The following MYO18A variants were observed in gnomAD, a reference collection of about 807,000 sequenced individuals.
The protein encoded by MYO18A is unconventional myosin-XVIIIa.
MYO18A carries 78 observed loss-of-function variants against 235.8 expected under a neutral mutation model. That is an observed-to-expected ratio of 0.33 (90% CI 0.28 to 0.40). The LOEUF (loss-of-function observed/expected upper bound fraction) is 0.40. MYO18A is among the 10% of genes least tolerant of loss of function. The pLI is 1.00. For synonymous variants in MYO18A, 977 were observed against 1,077.8 expected (o/e 0.91, Z 1.83); for missense variants, 2,215 against 2,699.3 (o/e 0.82, Z 3.98).
rs555640818 is a variant in MYO18A, at chr17:29,109,175, A to T, written c.3331+683T>A. On this transcript the variant is annotated intron_variant, in intron 19 of 41. Transcript: ENST00000527372. This position sits in a 1 kb window ranked among gnomAD's most constrained non-coding sequence, Gnocchi z 4.1. ...AAAAAACAAAAAAAAAACAAAAAAA[A>T]CCCACCCTACTTGAGAGACATGAGA... Among the ~76,000 whole-genome samples the T allele has an allele frequency of 6.6e-6, 1 of 151,626 alleles. No homozygotes were observed. Among genetic ancestry groups the T allele is most frequent in the Non-Finnish European group, 1.5e-5 (1 of 67,920 alleles).
chr17:29,156,112 C>G (rs1278223899), intron 2 of MYO18A, among the ~76,000 whole-genome samples: 1 of 152,138 alleles, frequency 6.6e-6, no homozygotes, highest in African/African-American at 2.4e-5. Flanking sequence ...AGCTGGAATC[C>G]ATTGCTGTGA....
chr17:29,098,802 T>A, intron 23 of MYO18A, 24 bp downstream of exon 23: 1 of 1,613,544 alleles, frequency 6.2e-7, no homozygotes, highest in East Asian at 2.2e-5. Flanking sequence ...CCCAGAGACT[T>A]GGCCCTCTCA....
At chr17:29,097,727 G>C in intron 26 of MYO18A, 61 bp downstream of exon 26, 1 of 1,438,652 alleles carries the variant, frequency 7.0e-7, no homozygotes, top group Non-Finnish European at 9.6e-7. Context: ...TGACTACCCA[G>C]GGGTGGGCAT....
chr17:29,094,768 G>A lies in MYO18A; in HGVS notation c.4592C>T (p.Ser1531Phe), dbSNP rs771536957. Residue 1531 changes from serine to phenylalanine, a missense_variant, in exon 30 of 42, where the codon TCC (serine) becomes TTC (phenylalanine). Ser to Phe is a radical substitution (Grantham distance 155). Transcript: ENST00000527372. ...AELQDISSQE[S>F]KDEASLAKVK... Reference sequence around the variant, plus strand: ...CTTGGCCAGAGAAGCCTCATCCTTGGACTCTTGGGAAGAAATGTCCTGGAG... The same window carrying A: ...CTTGGCCAGAGAAGCCTCATCCTTGAACTCTTGGGAAGAAATGTCCTGGAG... The A allele has an allele frequency of 3.7e-6, 6 of 1,613,924 alleles. No individual in the cohort carries two copies. Among genetic ancestry groups the A allele is most frequent in the Admixed American group, 1.7e-5 (1 of 60,004 alleles).
chr17:29,159,808 G>A (rs1002871656), intron 2 of MYO18A, among the ~76,000 whole-genome samples: 1 of 152,150 alleles, frequency 6.6e-6, no homozygotes, highest in Middle Eastern at 3.2e-3. Flanking sequence ...CAGCAAAAGG[G>A]CTCTCCTGTC....
Position 29,107,150 on chromosome 17 carries a change from C to T in MYO18A, c.3371G>A (p.Arg1124His), listed in dbSNP as rs529497454. The change falls in exon 20 of 42, where the codon CGC (arginine) becomes CAC (histidine). Residue 1124 changes from arginine to histidine, a missense_variant. By Grantham distance (29) the Arg-to-His change is conservative. Coordinates refer to ENST00000527372, the MANE Select transcript of MYO18A (RefSeq NM_078471.4). ...CAGGTGCGGGGCCAGGACATCAAAGCGGCGGCGGAACTCGGAAAACACCAT... is the reference window on the plus strand; with the variant it reads ...CAGGTGCGGGGCCAGGACATCAAAGTGGCGGCGGAACTCGGAAAACACCAT... ...DHMVFSEFRR[R>H]FDVLAPHLTK... is the part of the protein sequence containing the mutation. The T allele has an allele frequency of 6.3e-5, 101 of 1,613,864 alleles. 1 individual carries two copies. Among genetic ancestry groups the T allele is most frequent in the Non-Finnish European group, 7.0e-5 (83 of 1,179,882 alleles).
At chr17:29,110,978 T>C (rs1439214264) in intron 17 of MYO18A, among the ~76,000 whole-genome samples, 1 of 152,156 alleles carries the variant, frequency 6.6e-6, no homozygotes, top group African/African-American at 2.4e-5. Flanking sequence ...ATATAATTTA[T>C]TTATTATGTT....
At chr17:29,176,995 C>G (rs952635118) in intron 1 of MYO18A, among the ~76,000 whole-genome samples, 2 of 152,212 alleles carry the variant, frequency 1.3e-5, no homozygotes, top group African/African-American at 4.8e-5. Flanking sequence ...CCTGCGGCCT[C>G]GCCAGGTTCC....
intron 41 of MYO18A, chr17:29,080,838 G>C: frequency 1.0e-6 from 1 of 985,460 alleles, no homozygotes; most frequent in Non-Finnish European, 1.2e-6. Context: ...CCTTCCTAGG[G>C]GGCCTCTCAG....
intron 2 of MYO18A, among the ~76,000 whole-genome samples, chr17:29,122,837 G>A (rs76405065): frequency 6.6e-6 from 1 of 152,220 alleles, no homozygotes; most frequent in Non-Finnish European, 1.5e-5. Context: ...CCCCTCCAGA[G>A]GGTGCTCTAC....
intron 18 of MYO18A, 70 bp downstream of exon 18, chr17:29,110,366 C>A: frequency 6.7e-7 from 1 of 1,487,298 alleles, no homozygotes; most frequent in Non-Finnish European, 9.0e-7. Flanking sequence ...TGCTCGGAGT[C>A]CCCAGGCCTG....
At chr17:29,095,885 G>A (rs1417418561) in intron 28 of MYO18A, among the ~76,000 whole-genome samples, 4 of 152,186 alleles carry the variant, frequency 2.6e-5, no homozygotes, top group East Asian at 1.9e-4. Context: ...CAATGTCATC[G>A]GGTGCTCAGA....
chr17:29,081,011 C>T, intron 41 of MYO18A: 1 of 985,372 alleles, frequency 1.0e-6, no homozygotes, highest in South Asian at 4.7e-5. Flanking sequence ...CTGTTGAGGG[C>T]CGTTCCGAGG....
chr17:29,123,434 C>T lies in MYO18A; in HGVS notation c.1000-1181G>A, dbSNP rs536881480. Among the ~76,000 whole-genome samples the T allele has an allele frequency of 1.8e-3, 279 of 152,308 alleles. 2 individuals are homozygous for T. The highest frequency in any genetic ancestry group is 6.4e-3 in the African/African-American group (265 of 41,568). The stretch of plus-strand genomic sequence containing the variant: ...GCATGGACACTGGCTGGGTCCTGAC[C>T]CCCTGGGTGAGAAATCAGGAAAAGA... On this transcript the variant is annotated intron_variant, in intron 2 of 41. Coordinates refer to ENST00000527372, the MANE Select transcript of MYO18A (RefSeq NM_078471.4).
At chr17:29,139,354 G>A (rs1365330928) in intron 2 of MYO18A, among the ~76,000 whole-genome samples, 1 of 152,104 alleles carries the variant, frequency 6.6e-6, no homozygotes, top group East Asian at 1.9e-4. Flanking sequence ...GTGGCCCGGG[G>A]GTGGCTGGGG....
rs200513856 is a variant in MYO18A at position 29,090,976 on chromosome 17, T to C, written c.5188-50A>G. Reference sequence around the variant, plus strand: ...GAGGGCCTCAGGCCCAGTGTGCCTGTGGGCTCCAGCTGCCTCCAATGGCAG... The same window carrying C: ...GAGGGCCTCAGGCCCAGTGTGCCTGCGGGCTCCAGCTGCCTCCAATGGCAG... On this transcript the variant is annotated intron_variant, in intron 34 of 41. Coordinates refer to ENST00000527372, the MANE Select transcript of MYO18A (RefSeq NM_078471.4). 2.2e-4 allele frequency: 320 copies of C among 1,485,038 alleles called. 1 individual carries two copies. The Admixed American group carries it at 2.3e-3, about 11-fold the overall frequency. The allele number at this position is 1,485,038 out of a possible 1,614,324, so 92.0% of individuals were successfully genotyped here. A position where few individuals can be genotyped will look rare whatever the true frequency, so the allele number is the denominator to read the frequency against.
intron 1 of MYO18A, 67 bp from the exon 2 acceptor site, chr17:29,167,088 A>G (rs750787844): frequency 6.1e-6 from 7 of 1,153,062 alleles, no homozygotes; most frequent in African/African-American, 1.6e-5. Context: ...CAGTCCAGAC[A>G]TAACCAAATG....
intron 2 of MYO18A, chr17:29,129,147 TC>T (rs2067399259): frequency 7.8e-7 from 1 of 1,283,156 alleles, no homozygotes; most frequent in Non-Finnish European, 1.0e-6. Context: ...AGGGAGCTCT[TC>T]CTGGCCCCAA....
intron 28 of MYO18A, among the ~76,000 whole-genome samples, chr17:29,095,864 G>C (rs570832986): frequency 8.5e-5 from 13 of 152,302 alleles, no homozygotes; most frequent in South Asian, 2.1e-4. Context: ...ACAGTAACTA[G>C]GCCGAGCTGG....
Sources: gnomAD v4.1 joint callset for allele counts (sites outside exome capture counted in the v4.1 genomes callset) on GRCh38, gnomAD v4.1.1 for gene constraint, Gnocchi (gnomAD v3.1) non-coding constraint, MANE v1.5 for transcripts, NCBI Gene and HGNC (gene_info 2026-07-23, HGNC 2026-07-21) for gene names.